Variants in COPA observed in about 807,000 individuals in gnomAD.
COPA encodes the protein coat protein complex I subunit alpha.
COPA carries 10 observed loss-of-function variants against 158.7 expected under a neutral mutation model. The observed-to-expected ratio is 0.06, with a 90% CI of 0.04 to 0.11. The LOEUF is 0.11. Among genes scored for constraint, COPA ranks in the 10% least tolerant of loss-of-function variants. The probability of loss-of-function intolerance (pLI) is 1.00; values close to 1 mark genes in which losing one functional copy is unlikely to be tolerated. For synonymous variants in COPA, 462 were observed against 542.8 expected, an observed-to-expected ratio of 0.85 and a Z score of 2.07; for missense variants, 1,065 against 1,536.7, an observed-to-expected ratio of 0.69 and a Z score of 5.13.
intron 8 of COPA, among the ~76,000 whole-genome samples, chr1:160,320,102 T>C (rs1248137306): frequency 6.6e-6 from 1 of 152,006 alleles, no homozygotes; most frequent in African/African-American, 2.4e-5. Context: ...ACTTGCTTTT[T>C]GAAAAGATAG....
At chr1:160,324,654 A>G (rs1434079922) in intron 7 of COPA, among the ~76,000 whole-genome samples, 4 of 152,140 alleles carry the variant, frequency 2.6e-5, no homozygotes, top group Non-Finnish European at 4.4e-5. Flanking sequence ...TTCCCAGCAC[A>G]TGATATGTGA....
chr1:160,294,408 G>A, intron 25 of COPA, 76 bp downstream of exon 25: 1 of 1,262,488 alleles, frequency 7.9e-7, no homozygotes, highest in African/African-American at 1.5e-5. Context: ...TGAGGATAGT[G>A]GTAGGGGACA....
At position 160,305,673 on chromosome 1, in the gene COPA, A is replaced by G; in HGVS notation, c.1528+15T>C. 6.2e-7 allele frequency: 1 copy of G among 1,614,084 alleles called. No individual in the cohort carries two copies. The highest frequency in any genetic ancestry group is 8.5e-7 in the Non-Finnish European group (1 of 1,179,926). On this transcript the variant is annotated intron_variant, in intron 16 of 32. Transcript: ENST00000241704. ...GAATGGTCTCTAAATCAGGGTGGAT[A>G]TAATGAAGACTCACCGTGTTTGGCT...
chr1:160,324,285 C>CTTTTTTTTT (rs750360211), intron 7 of COPA, among the ~76,000 whole-genome samples: 1 of 102,356 alleles, frequency 9.8e-6, no homozygotes, highest in Non-Finnish European at 2.1e-5. Context: ...CTTCTTCATT[C>CTTTTTTTTT]TTTTTTTTTT....
At chr1:160,325,852 C>A (rs1468712486) in intron 6 of COPA, among the ~76,000 whole-genome samples, 200 bp from the exon 7 acceptor site, 2 of 152,224 alleles carry the variant, frequency 1.3e-5, no homozygotes, top group Non-Finnish European at 2.9e-5. Flanking sequence ...CTCTTCTGCT[C>A]CCTTAACACT....
At chr1:160,320,809 A>AC (rs1393390392) in intron 8 of COPA, among the ~76,000 whole-genome samples, 1 of 150,106 alleles carries the variant, frequency 6.7e-6, no homozygotes, top group Non-Finnish European at 1.5e-5. Context: ...AAAAAAAAAA[A>AC]AAAAAAAGGA....
At chr1:160,331,051 AAAAT>A (rs1338768398) in intron 6 of COPA, among the ~76,000 whole-genome samples, 1 of 150,930 alleles carries the variant, frequency 6.6e-6, no homozygotes, top group Non-Finnish European at 1.5e-5. Flanking sequence ...GCACATGGCA[AAAAT>A]AAATAAATAA....
At position 160,309,311 on chromosome 1, in the gene COPA, C is replaced by T; in HGVS notation, c.1144-135G>A. 4 of 679,502 alleles carry T rather than the reference C, an allele frequency of 5.9e-6. No homozygotes were observed. In the South Asian group the frequency reaches 7.2e-5, roughly 12 times the overall value. The allele number at this position is 679,502 out of a possible 1,614,324, so 42.1% of individuals were successfully genotyped here. ...AACCATACTTTTCTTACCCTTCACCCAGAGGGCATTTGACTGTTTCTACAT... is the reference window on the plus strand; with the variant it reads ...AACCATACTTTTCTTACCCTTCACCTAGAGGGCATTTGACTGTTTCTACAT... On this transcript the variant is annotated intron_variant, in intron 12 of 32. Coordinates refer to ENST00000241704, the MANE Select transcript of COPA (RefSeq NM_004371.4).
chr1:160,314,197 C>G, intron 8 of COPA, 72 bp from the exon 9 acceptor site: 1 of 1,498,244 alleles, frequency 6.7e-7, no homozygotes, highest in South Asian at 1.3e-5. Context: ...GATATGACAT[C>G]CTCTTCATCA....
intron 10 of COPA, among the ~76,000 whole-genome samples, chr1:160,312,721 TC>T (rs1405173527): frequency 1.3e-5 from 2 of 152,210 alleles, no homozygotes; most frequent in Non-Finnish European, 2.9e-5. Context: ...TCTTTGGTGT[TC>T]CTTAGCATGT....
At chr1:160,291,606 C>A in intron 30 of COPA, 110 bp from the exon 31 acceptor site, 1 of 1,361,824 alleles carries the variant, frequency 7.3e-7, no homozygotes, top group East Asian at 2.3e-5. Context: ...GGATGATGGG[C>A]TATAAAGCTG....
At position 160,335,610 on chromosome 1, in the gene COPA, G is replaced by A. The variant is rs151041938; in HGVS notation, c.229-288C>T. ...ATTATTGAAGTTTTTCAGGCTGGGC[G>A]TGGTCACTCATGCCTGTAATCCCAG... On this transcript the variant is annotated intron_variant, in intron 3 of 32. Transcript: ENST00000241704. 6.6e-4 allele frequency among the ~76,000 whole-genome samples: 101 copies of A among 152,156 alleles called. 2 individuals carry two copies. The East Asian group carries it at 0.018, about 27-fold the overall frequency.
chr1:160,305,077 GT>G (rs1658740045), intron 17 of COPA, among the ~76,000 whole-genome samples: 1 of 152,188 alleles, frequency 6.6e-6, no homozygotes, highest in South Asian at 2.1e-4. Context: ...AGAAATTACT[GT>G]AAAAACTAGA....
At position 160,317,694 on chromosome 1, in the gene COPA, T is replaced by C. The variant is rs1245932343; in HGVS notation, c.707-3569A>G. 7 of 1,464,832 alleles carry C rather than the reference T, an allele frequency of 4.8e-6. No homozygotes were observed. The African/African-American group carries it at 8.3e-5, about 17-fold the overall frequency. The allele number at this position is 1,464,832 out of a possible 1,614,324, so 90.7% of individuals were successfully genotyped here. A position where few individuals can be genotyped will look rare whatever the true frequency, so the allele number is the denominator to read the frequency against. ...TTTATCAGGAACAAATGGGGGGTCATTCAACAGTTTAGATATTCTTTTTAT... is the reference window on the plus strand; with the variant it reads ...TTTATCAGGAACAAATGGGGGGTCACTCAACAGTTTAGATATTCTTTTTAT... On this transcript the variant is annotated intron_variant, in intron 8 of 32. Coordinates refer to ENST00000241704, the MANE Select transcript of COPA (RefSeq NM_004371.4).
Position 160,325,618 on chromosome 1 carries a change from C to G in COPA, c.531G>C (p.Val177=). Residue 177 remains valine (V), a synonymous_variant, in exon 7 of 33, where the codon GTG becomes GTC. Transcript: ENST00000241704. ...CAGTTATTCCTCTCACATCCGATTC[C>G]ACCGCACCAGGGGACAGGTTTTTTT... is the stretch of plus-strand genomic sequence containing the variant. The part of the protein sequence containing the change: ...LRKKNLSPGA[V]ESDVRGITGV... 5 of 1,614,192 alleles carry G rather than the reference C, an allele frequency of 3.1e-6. No homozygotes were observed. Among genetic ancestry groups the G allele is most frequent in the Non-Finnish European group, 4.2e-6 (5 of 1,180,044 alleles).
intron 12 of COPA, among the ~76,000 whole-genome samples, chr1:160,309,717 G>A (rs1029934227): frequency 6.7e-6 from 1 of 150,338 alleles, no homozygotes; most frequent in East Asian, 2.0e-4. Context: ...TTGGCCACGA[G>A]GGCACTAAAA....
At chr1:160,323,981 C>T (rs1268562100) in intron 7 of COPA, among the ~76,000 whole-genome samples, 1 of 152,166 alleles carries the variant, frequency 6.6e-6, no homozygotes, top group East Asian at 1.9e-4. Flanking sequence ...CTGCCTCAGC[C>T]TCCCAAGTAG....
intron 8 of COPA, among the ~76,000 whole-genome samples, chr1:160,316,183 C>A (rs1659128389): frequency 1.3e-5 from 2 of 151,962 alleles, no homozygotes; most frequent in South Asian, 4.2e-4. Flanking sequence ...CATAGTGAAA[C>A]CCTGTTTCTA....
intron 17 of COPA, among the ~76,000 whole-genome samples, chr1:160,299,746 A>C (rs1334626052): frequency 5.3e-5 from 8 of 152,250 alleles, no homozygotes; most frequent in African/African-American, 1.9e-4. Flanking sequence ...GCATTAGAAG[A>C]AATATTAAAA....
Sources: allele counts gnomAD v4.1 joint callset (sites outside exome capture counted in the v4.1 genomes callset), GRCh38; gene constraint gnomAD v4.1.1; transcripts MANE v1.5; gene names NCBI Gene and HGNC (gene_info 2026-07-23, HGNC 2026-07-21).